LPA: variants seen among roughly 807,000 people sequenced by gnomAD.
The protein encoded by LPA is lipoprotein(a).
In LPA, 199 loss-of-function variants were observed where a neutral mutation model predicts 197.9. That is an observed-to-expected ratio of 1.01 (90% confidence interval 0.90 to 1.13). The LOEUF (loss-of-function observed/expected upper bound fraction) is 1.13, where lower values mean the gene tolerates loss of function less well. LPA is among the 50% of genes most tolerant of loss of function. The pLI is 0.00. For synonymous variants in LPA, 715 were observed against 639.5 expected, an observed-to-expected ratio of 1.12 and a Z score of -1.78; for missense variants, 1,853 against 1,785.8, an observed-to-expected ratio of 1.04 and a Z score of -0.68.
rs752436691 is a variant in LPA, at chr6:160,553,972, C to CGT, written c.4973+2051_4973+2052dup. On this transcript the variant is annotated intron_variant, in intron 30 of 38. Coordinates refer to ENST00000316300, the MANE Select transcript of LPA (RefSeq NM_005577.4). ...GTGTGTGTGCGCGCGCGCGCGTGTG[C>CGT]GTGTGTGTGTGTCTTACAGATTGTA... Among the ~76,000 whole-genome samples the CGT allele has an allele frequency of 7.1e-3, 772 of 108,274 alleles. 5 individuals carry two copies. Among genetic ancestry groups the CGT allele is most frequent in the South Asian group, 0.033 (113 of 3,398 alleles). 71.0% of individuals were successfully genotyped at this position (108,274 alleles called of 152,430 possible). A position where few individuals can be genotyped will look rare whatever the true frequency, so the allele number is the denominator to read the frequency against.
In LPA at chr6:160,531,948, G is replaced by A. The variant is rs926796247; in HGVS notation, c.5962-58C>T. 9 of 1,574,070 alleles carry A rather than the reference G, an allele frequency of 5.7e-6. No individual in the cohort carries two copies. The African/African-American group carries it at 1.2e-4, about 21-fold the overall frequency. On this transcript the variant is annotated intron_variant, in intron 38 of 38. Transcript: ENST00000316300. ...TTTAAGCTGCCAACCTTTTAATATG[G>A]GATGCCATCCTTCTCTTATCCATAT...
At chr6:160,534,525 C>G (rs1212053922) in intron 37 of LPA, among the ~76,000 whole-genome samples, 1 of 152,104 alleles carries the variant, frequency 6.6e-6, no homozygotes, top group Non-Finnish European at 1.5e-5. Context: ...TGGATGAGCC[C>G]CTTGGCCTCA....
chr6:160,540,018 G>T, intron 36 of LPA, 25 bp downstream of exon 36: 1 of 1,614,066 alleles, frequency 6.2e-7, no homozygotes, highest in Non-Finnish European at 8.5e-7. Flanking sequence ...CCAGCGTGGG[G>T]TGAAGACCAC....
At chr6:160,555,906 T>C in intron 30 of LPA, 119 bp downstream of exon 30, 1 of 1,061,906 alleles carries the variant, frequency 9.4e-7, no homozygotes, top group Non-Finnish European at 1.5e-6. Context: ...TCTGGACATT[T>C]TGACACACCT....
chr6:160,604,932 T>C (rs1779314499), intron 18 of LPA, 114 bp downstream of exon 18: 1 of 1,484,206 alleles, frequency 6.7e-7, no homozygotes. Flanking sequence ...CATTTTGCTA[T>C]GCACTGTTCA....
chr6:160,600,849 T>A, intron 19 of LPA, 68 bp downstream of exon 19: 1 of 1,542,440 alleles, frequency 6.5e-7, no homozygotes, highest in Non-Finnish European at 8.9e-7. Flanking sequence ...GGGTTGTGCG[T>A]CAGTGGGGGT....
rs80220946 is a variant in LPA at position 160,582,899 on chromosome 6, G to A, written c.4289+2147C>T. The stretch of plus-strand genomic sequence containing the variant: ...TTATCTTCTCAGGCTTTGTATAAGC[G>A]TGCTATGGTTTGCACCACCCTAATA... On this transcript the variant is annotated intron_variant, in intron 26 of 38. Coordinates refer to ENST00000316300, the MANE Select transcript of LPA (RefSeq NM_005577.4). 0.011 allele frequency among the ~76,000 whole-genome samples: 1,622 copies of A among 152,090 alleles called. 32 individuals are homozygous for A. The Middle Eastern group carries it at 0.13, about 13-fold the overall frequency.
At chr6:160,591,729 G>A (rs1394436855) in intron 22 of LPA, among the ~76,000 whole-genome samples, 1 of 152,128 alleles carries the variant, frequency 6.6e-6, no homozygotes, top group East Asian at 1.9e-4. Flanking sequence ...GCCAGACTGT[G>A]GTCAATCACA....
At position 160,540,957 on chromosome 6, in the gene LPA, G is replaced by A. The variant is rs1229867607; in HGVS notation, c.5594+150C>T. The A allele has an allele frequency of 8.6e-6, 6 of 700,180 alleles. No individual in the cohort carries two copies. In the East Asian group the frequency reaches 1.6e-4, roughly 19 times the overall value. The allele number at this position is 700,180 out of a possible 1,614,324, so 43.4% of individuals were successfully genotyped here. On this transcript the variant is annotated intron_variant, in intron 35 of 38. Coordinates refer to ENST00000316300, the MANE Select transcript of LPA (RefSeq NM_005577.4). ...GAAATTCTGCCTCAGGATTCTGCATGCATTCCCTGGTTCCTAGTGTTCCTT... is the reference window on the plus strand; with the variant it reads ...GAAATTCTGCCTCAGGATTCTGCATACATTCCCTGGTTCCTAGTGTTCCTT...
intron 1 of LPA, among the ~76,000 whole-genome samples, chr6:160,652,548 TTGTTTTTCACAGAAAGAA>T (rs1383114370): frequency 6.6e-6 from 1 of 152,126 alleles, no homozygotes; most frequent in Non-Finnish European, 1.5e-5. Context: ...ATGCTAAAGG[TTGTTTTTCACAGAAAGAA>T]TGTGACTCCA....
intron 30 of LPA, among the ~76,000 whole-genome samples, chr6:160,552,925 C>G (rs1778189511): frequency 6.6e-6 from 1 of 151,932 alleles, no homozygotes. Flanking sequence ...TCCTCTTTTT[C>G]TTCCTTCTTT....
At chr6:160,584,270 C>CTTCT (rs1562331339) in intron 26 of LPA, among the ~76,000 whole-genome samples, 5 of 112,922 alleles carry the variant, frequency 4.4e-5, no homozygotes, top group African/African-American at 1.7e-4. Flanking sequence ...CTTCCTCTTC[C>CTTCT]TCTTCTTCTT....
At chr6:160,605,230 A>T in intron 17 of LPA, 25 bp from the exon 18 acceptor site, 1 of 1,611,674 alleles carries the variant, frequency 6.2e-7, no homozygotes, top group South Asian at 1.1e-5. Context: ...AAAGAAATCA[A>T]ACTGAGTGTT....
chr6:160,540,330 G>T (rs1777961682), intron 35 of LPA, 147 bp from the exon 36 acceptor site: 2 of 819,888 alleles, frequency 2.4e-6, no homozygotes, highest in Non-Finnish European at 4.1e-6. Context: ...TTCACAATTT[G>T]CTGGAAACTG....
In LPA at chr6:160,594,097, C is replaced by A; in HGVS notation, c.3490G>T (p.Gly1164Trp). The A allele has an allele frequency of 6.2e-7, 1 of 1,613,816 alleles. No individual in the cohort carries two copies. Among genetic ancestry groups the A allele is most frequent in the Admixed American group, 1.7e-5 (1 of 59,998 alleles). ...SEEAPTEQSP[G>W]VQDCYHGDGQ... Reference sequence around the variant, plus strand: ...TCACCATGGTAGCAATCCTGGACCCCGGGGCTTTGCTCCGTTGGTGCTGAA... The same window carrying A: ...TCACCATGGTAGCAATCCTGGACCCAGGGGCTTTGCTCCGTTGGTGCTGAA... The change falls in exon 22 of 39, where the codon GGG becomes TGG. Residue 1164 changes from glycine to tryptophan, a missense_variant. By Grantham distance (184) the Gly-to-Trp change is radical. This residue lies in a region of LPA where 1,737 missense variants were observed against 1,504.4 expected (regional missense o/e 1.15). Coordinates refer to ENST00000316300, the MANE Select transcript of LPA (RefSeq NM_005577.4).
chr6:160,584,428 C>T (rs761374963), intron 26 of LPA, among the ~76,000 whole-genome samples: 8 of 150,042 alleles, frequency 5.3e-5, no homozygotes, highest in Non-Finnish European at 1.2e-4. Context: ...GAATCCCAGG[C>T]TCAAGTGTTT....
intron 1 of LPA, among the ~76,000 whole-genome samples, chr6:160,657,089 A>G (rs1780145337): frequency 6.6e-6 from 1 of 152,290 alleles, no homozygotes; most frequent in East Asian, 1.9e-4. Context: ...TTGTATTTAA[A>G]TTTTGTAGTT....
intron 24 of LPA, 98 bp downstream of exon 24, chr6:160,589,455 G>A (rs184302295): frequency 7.1e-7 from 1 of 1,414,144 alleles, no homozygotes; most frequent in East Asian, 2.3e-5. Flanking sequence ...CTGGGTCTGA[G>A]AGAAATTGGG....
intron 7 of LPA, among the ~76,000 whole-genome samples, chr6:160,634,863 C>A (rs1195632850): frequency 6.7e-6 from 1 of 150,212 alleles, no homozygotes; most frequent in Non-Finnish European, 1.5e-5. Flanking sequence ...TGAGATAGCC[C>A]ATTTTAGAAG....
Sources: gnomAD v4.1 joint callset for allele counts (sites outside exome capture counted in the v4.1 genomes callset) on GRCh38, gnomAD v4.1.1 for gene constraint, gnomAD v4.1.1 regional missense constraint, MANE v1.5 for transcripts, NCBI Gene and HGNC (gene_info 2026-07-23, HGNC 2026-07-21) for gene names.